The following ADIPOR2 variants were observed in gnomAD, a reference collection of about 807,000 sequenced individuals.
ADIPOR2 encodes adiponectin receptor 2.
Under a neutral mutation model 40.9 loss-of-function variants are expected in ADIPOR2, and 18 were observed. That is an observed-to-expected ratio of 0.44 (90% CI 0.30 to 0.65). The LOEUF (loss-of-function observed/expected upper bound fraction) is 0.65, where lower values mean the gene tolerates loss of function less well. ADIPOR2 is among the 30% of genes least tolerant of loss of function. The probability of loss-of-function intolerance (pLI) is 0.09; values close to 1 mark genes in which losing one functional copy is unlikely to be tolerated. For synonymous variants in ADIPOR2, 165 were observed against 166.4 expected, an observed-to-expected ratio of 0.99 and a Z score of 0.06; for missense variants, 283 against 479.2, an observed-to-expected ratio of 0.59 and a Z score of 3.82.
chr12:1,700,947 C>T (rs1309401523), intron 1 of ADIPOR2, among the ~76,000 whole-genome samples: 1 of 151,838 alleles, frequency 6.6e-6, no homozygotes, highest in Non-Finnish European at 1.5e-5. Flanking sequence ...ATACATGAGA[C>T]TACAGAGACC....
chr12:1,751,018 C>CT (rs547881719), intron 1 of ADIPOR2, among the ~76,000 whole-genome samples: 119 of 138,334 alleles, frequency 8.6e-4, no homozygotes, highest in Non-Finnish European at 9.5e-4. Context: ...GACTTGTTTG[C>CT]TTTTTTTTTT....
At chr12:1,691,603 ATTTG>A (rs1032282038) in intron 1 of ADIPOR2, among the ~76,000 whole-genome samples, 4 of 152,060 alleles carry the variant, frequency 2.6e-5, no homozygotes, top group African/African-American at 4.8e-5. Flanking sequence ...ACTTCTAGGA[ATTTG>A]TTTGGTGGAG....
intron 5 of ADIPOR2, 29 bp from the exon 6 acceptor site, chr12:1,780,860 A>C: frequency 6.5e-7 from 1 of 1,547,254 alleles, no homozygotes. Context: ...AAATTACTGC[A>C]TTAAATGGAT....
At chr12:1,691,378 G>A (rs887702603) in intron 1 of ADIPOR2, among the ~76,000 whole-genome samples, 187 bp downstream of exon 1, 1 of 152,168 alleles carries the variant, frequency 6.6e-6, no homozygotes, top group African/African-American at 2.4e-5. Context: ...CGCCCGGCGC[G>A]CCTTGGCCTG....
chr12:1,698,206 T>TA (rs2094643116), intron 1 of ADIPOR2, among the ~76,000 whole-genome samples: 1 of 148,104 alleles, frequency 6.8e-6, no homozygotes, highest in Non-Finnish European at 1.5e-5. Flanking sequence ...TCTTGGCTGA[T>TA]TGTGTGTGTG....
At chr12:1,729,573 A>G (rs1046219079) in intron 1 of ADIPOR2, among the ~76,000 whole-genome samples, 1 of 146,106 alleles carries the variant, frequency 6.8e-6, no homozygotes, top group African/African-American at 2.5e-5. Flanking sequence ...TTGACCTCCC[A>G]AAGTGTTGGG....
chr12:1,756,492 G>A (rs1313359705), intron 2 of ADIPOR2, among the ~76,000 whole-genome samples: 1 of 149,466 alleles, frequency 6.7e-6, no homozygotes, highest in South Asian at 2.1e-4. Context: ...AAGAAGGCCA[G>A]TGTAGTTAGA....
At chr12:1,754,875 A>T (rs1160162518) in intron 2 of ADIPOR2, among the ~76,000 whole-genome samples, 230 of 58,672 alleles carry the variant, frequency 3.9e-3, no homozygotes, top group Non-Finnish European at 6.6e-3. Context: ...CCACCATGCC[A>T]GGCTAATTTT....
chr12:1,736,280 T>C (rs1029031550), intron 1 of ADIPOR2, among the ~76,000 whole-genome samples: 5 of 152,222 alleles, frequency 3.3e-5, no homozygotes, highest in African/African-American at 1.2e-4. Context: ...GAGCCTGTTA[T>C]TGGTTTATTC....
chr12:1,724,916 G>A (rs1488116296), intron 1 of ADIPOR2, among the ~76,000 whole-genome samples: 1 of 151,944 alleles, frequency 6.6e-6, no homozygotes, highest in Non-Finnish European at 1.5e-5. Flanking sequence ...TCATTTAACA[G>A]ATAATGACTG....
At chr12:1,727,396 G>C (rs570434980) in intron 1 of ADIPOR2, among the ~76,000 whole-genome samples, 1 of 152,194 alleles carries the variant, frequency 6.6e-6, no homozygotes, top group East Asian at 1.9e-4. Context: ...AATGTAGTAG[G>C]GTGTATAGTA....
intron 2 of ADIPOR2, among the ~76,000 whole-genome samples, chr12:1,758,183 G>A (rs1384583022): frequency 6.6e-6 from 1 of 152,098 alleles, no homozygotes; most frequent in Non-Finnish European, 1.5e-5. Flanking sequence ...TAATATTTGT[G>A]TTTTAATTTC....
chr12:1,741,701 T>C (rs1370181385), intron 1 of ADIPOR2, among the ~76,000 whole-genome samples: 1 of 152,222 alleles, frequency 6.6e-6, no homozygotes, highest in Non-Finnish European at 1.5e-5. Flanking sequence ...CCATAGAGAA[T>C]GCCTTTGGGA....
chr12:1,720,457 T>G (rs759666222), intron 1 of ADIPOR2, among the ~76,000 whole-genome samples: 1 of 152,194 alleles, frequency 6.6e-6, no homozygotes, highest in Admixed American at 6.5e-5. Context: ...TAACTCACCA[T>G]AATGTGGAAT....
At chr12:1,748,466 T>C (rs1196340110) in intron 1 of ADIPOR2, among the ~76,000 whole-genome samples, 2 of 152,056 alleles carry the variant, frequency 1.3e-5, no homozygotes, top group Non-Finnish European at 2.9e-5. Context: ...GCCAGGATGG[T>C]CTCAATCTCC....
At chr12:1,780,251 A>G in intron 4 of ADIPOR2, 200 bp from the exon 5 acceptor site, 1 of 490,066 alleles carries the variant, frequency 2.0e-6, no homozygotes, top group Non-Finnish European at 3.5e-6. Flanking sequence ...TCAGTTTATG[A>G]AGCTGAAGTA....
At position 1,703,709 on chromosome 12, in the gene ADIPOR2, T is replaced by C. The variant is rs530274148; in HGVS notation, c.-87+12518T>C. 2.6e-5 allele frequency among the ~76,000 whole-genome samples: 4 copies of C among 151,688 alleles called. No homozygotes were observed. The East Asian group carries it at 7.8e-4, about 29-fold the overall frequency. ...TCCAGTCTGGGTGACAGAGTGAAACTCTGTCTCACGAATAAATAAATAAAT... is the reference window on the plus strand; with the variant it reads ...TCCAGTCTGGGTGACAGAGTGAAACCCTGTCTCACGAATAAATAAATAAAT... On this transcript the variant is annotated intron_variant, in intron 1 of 7. Transcript: ENST00000357103.
chr12:1,770,535 A>C (rs184122287), intron 2 of ADIPOR2, among the ~76,000 whole-genome samples: 4 of 152,272 alleles, frequency 2.6e-5, no homozygotes, highest in Non-Finnish European at 5.9e-5. Context: ...GGTTTTATAT[A>C]ATTTTAATGG....
chr12:1,697,075 A>G (rs1198241694), intron 1 of ADIPOR2: 1 of 152,254 alleles, frequency 6.6e-6, no homozygotes, highest in Non-Finnish European at 1.5e-5. Context: ...GCCCAAAGGC[A>G]TAGAAGTTAG....
Sources: gnomAD v4.1 joint callset for allele counts (sites outside exome capture counted in the v4.1 genomes callset) on GRCh38, gnomAD v4.1.1 for gene constraint, MANE v1.5 for transcripts, NCBI Gene and HGNC (gene_info 2026-07-23, HGNC 2026-07-21) for gene names.